GRIK2: variants seen among roughly 807,000 people sequenced by gnomAD.
GRIK2 encodes the protein glutamate receptor ionotropic, kainate 2.
Under a neutral mutation model 100.3 loss-of-function variants are expected in GRIK2, and 32 were observed. The ratio of observed to expected loss-of-function variants is 0.32; its 90% CI spans 0.24 to 0.43. GRIK2 has a LOEUF of 0.43. Among genes scored for constraint, GRIK2 ranks in the 20% least tolerant of loss-of-function variants. The pLI is 1.00. For missense variants in GRIK2, 843 were observed against 1,114.9 expected (o/e 0.76, Z 3.47); for synonymous variants, 417 against 389.4 (o/e 1.07, Z -0.83).
At chr6:102,001,768 T>G (rs1582699067) in intron 14 of GRIK2, among the ~76,000 whole-genome samples, 5 of 152,062 alleles carry the variant, frequency 3.3e-5, no homozygotes, top group Admixed American at 3.3e-4. Context: ...ATTTTATATA[T>G]TTTATTTTCA....
chr6:101,843,916 A>C (rs754696612), intron 10 of GRIK2, among the ~76,000 whole-genome samples: 1 of 152,148 alleles, frequency 6.6e-6, no homozygotes, highest in Admixed American at 6.5e-5. Context: ...TTACTTTTCT[A>C]TCTCTCTCAT....
chr6:101,611,755 A>G (rs1321613151), intron 2 of GRIK2, among the ~76,000 whole-genome samples: 2 of 151,638 alleles, frequency 1.3e-5, no homozygotes, highest in Non-Finnish European at 2.9e-5. Flanking sequence ...TACGCTATAT[A>G]CTTTCCACAT....
chr6:101,484,658 C>T (rs896077866), intron 2 of GRIK2, among the ~76,000 whole-genome samples: 3 of 151,872 alleles, frequency 2.0e-5, no homozygotes, highest in African/African-American at 7.3e-5. Flanking sequence ...AAGCAACCAT[C>T]TCAAAGGCAG....
intron 8 of GRIK2, among the ~76,000 whole-genome samples, chr6:101,801,270 T>C (rs779912596): frequency 6.6e-6 from 1 of 152,094 alleles, no homozygotes; most frequent in Non-Finnish European, 1.5e-5. Flanking sequence ...CACTTGAAAG[T>C]TTTTCTTTGG....
At chr6:101,676,336 T>G (rs558569167) in intron 4 of GRIK2, among the ~76,000 whole-genome samples, 34 of 152,228 alleles carry the variant, frequency 2.2e-4, no homozygotes, top group Admixed American at 8.5e-4. Flanking sequence ...TCTTAAAGAA[T>G]TTGAGAAATG....
chr6:101,549,121 A>G (rs1435744311), intron 2 of GRIK2, among the ~76,000 whole-genome samples: 1 of 152,200 alleles, frequency 6.6e-6, no homozygotes, highest in Admixed American at 6.5e-5. Flanking sequence ...TCTCAAACAC[A>G]TGGATCATCA....
At chr6:101,773,734 TACA>T (rs1303139116) in intron 7 of GRIK2, among the ~76,000 whole-genome samples, 1 of 152,286 alleles carries the variant, frequency 6.6e-6, no homozygotes, top group Non-Finnish European at 1.5e-5. Context: ...ACTTTATTCT[TACA>T]ACAACTCTGT....
intron 11 of GRIK2, among the ~76,000 whole-genome samples, chr6:101,887,742 G>A (rs972063002): frequency 6.6e-6 from 1 of 152,052 alleles, no homozygotes; most frequent in African/African-American, 2.4e-5. Context: ...GAAGGGGGAA[G>A]GGAGAAGTGC....
chr6:101,891,516 C>CAAAAAA lies in GRIK2; in HGVS notation c.1748+1669_1748+1674dup, dbSNP rs5878701. 5.8e-4 allele frequency: 115 copies of CAAAAAA among 198,330 alleles called. 1 individual carries two copies. Among genetic ancestry groups the CAAAAAA allele is most frequent in the African/African-American group, 5.3e-3 (83 of 15,638 alleles). The allele number at this position is 198,330 out of a possible 1,614,324, so 12.3% of individuals were successfully genotyped here. On this transcript the variant is annotated intron_variant, in intron 12 of 16. Coordinates refer to ENST00000369134, the MANE Select transcript of GRIK2 (RefSeq NM_021956.5). Reference sequence around the variant, plus strand: ...TGGGAGATATAGCAGGACTCCATCTCAAAAAAAAAAAAAAAAAAAAAGGTG... The same window carrying CAAAAAA: ...TGGGAGATATAGCAGGACTCCATCTCAAAAAAAAAAAAAAAAAAAAAAAAAAAGGTG...
At chr6:101,954,024 T>C (rs1791758774) in intron 14 of GRIK2, among the ~76,000 whole-genome samples, 1 of 152,142 alleles carries the variant, frequency 6.6e-6, no homozygotes, top group Non-Finnish European at 1.5e-5. Context: ...TTTCCCTCTT[T>C]GAATTGTTTT....
At chr6:101,582,987 A>C (rs1389171594) in intron 2 of GRIK2, among the ~76,000 whole-genome samples, 2 of 152,134 alleles carry the variant, frequency 1.3e-5, no homozygotes, top group East Asian at 1.9e-4. Flanking sequence ...ACTCAGATGA[A>C]TGAGGTTTTG....
chr6:101,511,769 C>G (rs1582614328), intron 2 of GRIK2, among the ~76,000 whole-genome samples: 1 of 130,998 alleles, frequency 7.6e-6, no homozygotes, highest in African/African-American at 2.6e-5. Flanking sequence ...TTTAGATAAT[C>G]ATATATGATT....
chr6:101,739,256 G>A (rs906175951), intron 7 of GRIK2, among the ~76,000 whole-genome samples: 2 of 152,194 alleles, frequency 1.3e-5, no homozygotes, highest in East Asian at 1.9e-4. Flanking sequence ...TGGAGAACAC[G>A]AACATCAATA....
chr6:101,539,521 T>C (rs1775883473), intron 2 of GRIK2, among the ~76,000 whole-genome samples: 1 of 151,782 alleles, frequency 6.6e-6, no homozygotes, highest in Non-Finnish European at 1.5e-5. Flanking sequence ...GTTTTAAAGT[T>C]AACAGTTTGG....
intron 14 of GRIK2, among the ~76,000 whole-genome samples, chr6:101,994,941 CTTG>C: frequency 1.3e-5 from 2 of 152,014 alleles, no homozygotes; most frequent in South Asian, 4.1e-4. Context: ...ATCATATTAA[CTTG>C]TTACCATCAA....
At chr6:101,470,741 C>G (rs1032532919) in intron 2 of GRIK2, among the ~76,000 whole-genome samples, 2 of 152,082 alleles carry the variant, frequency 1.3e-5, no homozygotes, top group Admixed American at 6.6e-5. Context: ...AGGAAATGCC[C>G]TATTCACTAC....
intron 2 of GRIK2, among the ~76,000 whole-genome samples, chr6:101,570,102 G>C (rs1382320718): frequency 6.6e-6 from 1 of 152,066 alleles, no homozygotes; most frequent in African/African-American, 2.4e-5. Flanking sequence ...GTTGATATTA[G>C]TGCAGTGGGT....
intron 4 of GRIK2, among the ~76,000 whole-genome samples, chr6:101,629,388 A>G (rs186437177): frequency 6.6e-6 from 1 of 152,130 alleles, no homozygotes; most frequent in Non-Finnish European, 1.5e-5. Flanking sequence ...ATGAATTTTG[A>G]TTATCAACTG....
chr6:101,791,218 T>C (rs1264249852), intron 7 of GRIK2, among the ~76,000 whole-genome samples: 1 of 152,214 alleles, frequency 6.6e-6, no homozygotes, highest in Non-Finnish European at 1.5e-5. Flanking sequence ...TCAGTTCTGC[T>C]CTGATTTTAG....
Sources: allele counts gnomAD v4.1 joint callset (sites outside exome capture counted in the v4.1 genomes callset), GRCh38; gene constraint gnomAD v4.1.1; transcripts MANE v1.5; gene names NCBI Gene and HGNC (gene_info 2026-07-23, HGNC 2026-07-21).